CATSPERG: variants seen among roughly 807,000 people sequenced by gnomAD.
The protein encoded by CATSPERG is cation channel sperm-associated auxiliary subunit gamma.
In CATSPERG, 115 loss-of-function variants were observed where a neutral mutation model predicts 145.0. The observed-to-expected ratio is 0.79, with a 90% CI of 0.68 to 0.93. The LOEUF is 0.93. Among genes scored for constraint, CATSPERG ranks in the 40% least tolerant of loss-of-function variants. The pLI is 0.00. For synonymous variants in CATSPERG, 588 were observed against 589.0 expected (o/e 1.00, Z 0.02); for missense variants, 1,296 against 1,490.1 (o/e 0.87, Z 2.14).
intron 11 of CATSPERG, 99 bp downstream of exon 11, chr19:38,356,960 G>T: frequency 4.1e-6 from 6 of 1,463,914 alleles, no homozygotes; most frequent in Non-Finnish European, 5.6e-6. Flanking sequence ...CAGACAGAGG[G>T]AGGGCAACAT....
At chr19:38,339,421 C>A (rs1969899895) in intron 3 of CATSPERG, among the ~76,000 whole-genome samples, 1 of 152,114 alleles carries the variant, frequency 6.6e-6, no homozygotes, top group African/African-American at 2.4e-5. Flanking sequence ...GGTTTTAGAC[C>A]CTGGACCCCG....
At position 38,367,530 on chromosome 19, in the gene CATSPERG, T is replaced by C; in HGVS notation, c.2792T>C (p.Ile931Thr). The C allele has an allele frequency of 6.2e-7, 1 of 1,614,118 alleles. No individual in the cohort carries two copies. The highest frequency in any genetic ancestry group is 8.5e-7 in the Non-Finnish European group (1 of 1,180,016). The change falls in exon 24 of 29, where the codon ATT (isoleucine) becomes ACT (threonine). Residue 931 changes from isoleucine (I) to threonine (T), a missense_variant. Physicochemically the swap from Ile to Thr is moderately conservative, Grantham distance 89 (BLOSUM62 -1). Coordinates refer to ENST00000409235, the MANE Select transcript of CATSPERG (RefSeq NM_021185.5). ...ATAGTTTTCTACCCCTTCTTCTTGA[T>C]TCAAGATTTGGTGACAGGAGACTCC... ...FRDIFYPFFL[I>T]QDLVTGDSGS...
rs563322748 is a variant in CATSPERG at position 38,339,087 on chromosome 19, G to A, written c.324+1441G>A. Among the ~76,000 whole-genome samples, 48 of 152,258 alleles carry A rather than the reference G, an allele frequency of 3.2e-4. No homozygotes were observed. In the East Asian group the frequency reaches 4.0e-3, roughly 13 times the overall value. On this transcript the variant is annotated intron_variant, in intron 3 of 28. Coordinates refer to ENST00000409235, the MANE Select transcript of CATSPERG (RefSeq NM_021185.5). ...AAAGCCCCGAGCTCTGGGAGCCCAC[G>A]CTATTTATTGGTAATCCAACAAAGA...
In CATSPERG at chr19:38,344,368, G is replaced by A. The variant is rs989857019; in HGVS notation, c.669G>A (p.Glu223=). ...ACATCCAATTCACTGTGGGAGAGGA[G>A]GTGAGGGAATATGGCAGGGGAAAAA... The part of the protein sequence containing the change: ...DNNIQFTVGE[E]LFNLMPQYFV... The change falls in exon 6 of 29, where the codon GAG becomes GAA. Residue 223 remains glutamate (E), a splice_region_variant and synonymous_variant. Coordinates refer to ENST00000409235, the MANE Select transcript of CATSPERG (RefSeq NM_021185.5). The A allele has an allele frequency of 2.7e-5, 42 of 1,551,314 alleles. No homozygotes were observed. The highest frequency in any genetic ancestry group is 3.6e-5 in the Non-Finnish European group (41 of 1,146,704).
Position 38,370,932 on chromosome 19 carries a change from C to T in CATSPERG, c.*140C>T. On this transcript the variant is annotated 3_prime_UTR_variant, in exon 29 of 29. Coordinates refer to ENST00000409235, the MANE Select transcript of CATSPERG (RefSeq NM_021185.5). ...CTTCTCGTTCAGACTCAAATAAAGC[C>T]TTTTTTCAGGACCAGCAGTGGGCTC... The T allele has an allele frequency of 1.1e-6, 1 of 907,840 alleles. No homozygotes were observed. The highest frequency in any genetic ancestry group is 1.7e-6 in the Non-Finnish European group (1 of 603,582). 56.2% of individuals were successfully genotyped at this position (907,840 alleles called of 1,614,324 possible). A position where few individuals can be genotyped will look rare whatever the true frequency, so the allele number is the denominator to read the frequency against.
intron 8 of CATSPERG, 162 bp downstream of exon 8, chr19:38,352,594 CCTTTT>C: frequency 3.8e-6 from 2 of 525,630 alleles, no homozygotes; most frequent in Admixed American, 3.4e-5. Flanking sequence ...CTTGCCTTGC[CCTTTT>C]TTTTTTTTTT....
At chr19:38,362,002 CGG>C in intron 17 of CATSPERG, 141 bp downstream of exon 17, 1 of 186,578 alleles carries the variant, frequency 5.4e-6, no homozygotes. Context: ...GACCTGGGGG[CGG>C]GGCCTGGCTT....
intron 25 of CATSPERG, 52 bp from the exon 26 acceptor site, chr19:38,367,996 C>G: frequency 6.5e-7 from 1 of 1,541,850 alleles, no homozygotes; most frequent in Admixed American, 1.7e-5. Flanking sequence ...GAGGTCATAC[C>G]TCCCCTACAC....
At position 38,370,600 on chromosome 19, in the gene CATSPERG, G is replaced by C; in HGVS notation, c.3288G>C (p.Lys1096Asn). The part of the protein sequence containing the change: ...AFCLLWPLVV[K>N]GCTMIRWKIN... The stretch of plus-strand genomic sequence containing the variant: ...GCCTCCTGTGGCCCCTCGTGGTGAA[G>C]GGCTGCACGATGATCCGGTGGAAGA... Residue 1096 changes from lysine to asparagine, a missense_variant, in exon 29 of 29, where the codon AAG becomes AAC. Lys to Asn is a moderately conservative substitution (Grantham distance 94). Coordinates refer to ENST00000409235, the MANE Select transcript of CATSPERG (RefSeq NM_021185.5). 1 of 1,614,156 alleles carries C rather than the reference G, an allele frequency of 6.2e-7. No homozygotes were observed. The highest frequency in any genetic ancestry group is 1.3e-5 in the African/African-American group (1 of 75,032).
rs754844610 is a variant in CATSPERG, at chr19:38,336,189, A to G, written c.-15+314A>G. On this transcript the variant is annotated intron_variant, in intron 1 of 28. Coordinates refer to ENST00000409235, the MANE Select transcript of CATSPERG (RefSeq NM_021185.5). ...TGGGGCAAGAAGGTGTCGCGGTACG[A>G]GGGGAAGGTGAGACTCAAGAAGGTG... 7 of 456,000 alleles carry G rather than the reference A, an allele frequency of 1.5e-5. No individual in the cohort carries two copies. The East Asian group carries it at 4.2e-4, about 27-fold the overall frequency. The allele number at this position is 456,000 out of a possible 1,614,324, so 28.2% of individuals were successfully genotyped here. A position where few individuals can be genotyped will look rare whatever the true frequency, so the allele number is the denominator to read the frequency against.
At chr19:38,344,899 A>T (rs1455179969) in intron 6 of CATSPERG, among the ~76,000 whole-genome samples, 4,779 of 93,034 alleles carry the variant, frequency 0.051, 602 homozygotes, top group Non-Finnish European at 0.064. Context: ...ATATATATAT[A>T]TATTTTTTTT....
Position 38,370,548 on chromosome 19 carries a change from G to C in CATSPERG, c.3236G>C (p.Gly1079Ala). ...IIMVSASVFVGLVIFYIAFCL... is the reference protein window; with the variant it reads ...IIMVSASVFVALVIFYIAFCL... ...CAGGTGTCAGCTAGCGTGTTTGTGG[G>C]CCTGGTGATCTTCTACATCGCCTTC... is the stretch of plus-strand genomic sequence containing the variant. The change falls in exon 29 of 29, where the codon GGC (glycine) becomes GCC (alanine). Residue 1079 changes from glycine to alanine, a missense_variant. Physicochemically the swap from Gly to Ala is moderately conservative, Grantham distance 60 (BLOSUM62 0). Coordinates refer to ENST00000409235, the MANE Select transcript of CATSPERG (RefSeq NM_021185.5). 6.2e-7 allele frequency: 1 copy of C among 1,614,158 alleles called. No homozygotes were observed. Among genetic ancestry groups the C allele is most frequent in the Non-Finnish European group, 8.5e-7 (1 of 1,180,028 alleles).
intron 7 of CATSPERG, among the ~76,000 whole-genome samples, chr19:38,347,241 G>T (rs893067729): frequency 2.0e-5 from 3 of 152,114 alleles, no homozygotes; most frequent in African/African-American, 7.2e-5. Context: ...AACTGGGCGT[G>T]GTAGTGGGCG....
chr19:38,338,700 C>T (rs1969886301), intron 3 of CATSPERG, among the ~76,000 whole-genome samples: 1 of 152,048 alleles, frequency 6.6e-6, no homozygotes, highest in Admixed American at 6.6e-5. Context: ...GGATCACTTG[C>T]ATCCAGAAGC....
chr19:38,337,315 A>C lies in CATSPERG; in HGVS notation c.81A>C (p.Ala27=), dbSNP rs1969858737. The C allele has an allele frequency of 6.4e-7, 1 of 1,551,538 alleles. No homozygotes were observed. The highest frequency in any genetic ancestry group is 1.4e-5 in the African/African-American group (1 of 73,156). Residue 27 remains alanine (A), a synonymous_variant, in exon 2 of 29, where the codon GCA becomes GCC. Transcript: ENST00000409235. ...TGCAGGTGCTGTGGGCCCTGCTGGC[A>C]GTGCTCCTGGCGTCGTGGAGGCTGT... is the stretch of plus-strand genomic sequence containing the variant. ...RVVQVLWALL[A]VLLASWRLWA... is the part of the protein sequence containing the mutation.
chr19:38,368,647 G>C (rs1473941512), intron 26 of CATSPERG, among the ~76,000 whole-genome samples: 1 of 152,150 alleles, frequency 6.6e-6, no homozygotes, highest in Admixed American at 6.5e-5. Flanking sequence ...AGGTTCAAGC[G>C]ATTCTCCTGT....
intron 3 of CATSPERG, among the ~76,000 whole-genome samples, chr19:38,338,672 C>T (rs1324385732): frequency 1.3e-5 from 2 of 152,106 alleles, no homozygotes; most frequent in Admixed American, 6.6e-5. Context: ...AGTTGTGCGC[C>T]ACCACACCAG....
chr19:38,352,260 G>A lies in CATSPERG; in HGVS notation c.826-1G>A. ...CACCACTAGCCTCTGCTCCCCTGCAGCTGAGCATTGACAGTTGCTGGGTGG... is the reference window on the plus strand; with the variant it reads ...CACCACTAGCCTCTGCTCCCCTGCAACTGAGCATTGACAGTTGCTGGGTGG... On this transcript the variant is annotated splice_acceptor_variant, in intron 7 of 28. Transcript: ENST00000409235. LOFTEE classifies it high-confidence loss of function. 1 of 1,551,308 alleles carries A rather than the reference G, an allele frequency of 6.4e-7. No homozygotes were observed. Among genetic ancestry groups the A allele is most frequent in the Non-Finnish European group, 8.7e-7 (1 of 1,147,024 alleles).
chr19:38,367,433 T>G, intron 23 of CATSPERG, 76 bp from the exon 24 acceptor site: 1 of 1,564,670 alleles, frequency 6.4e-7, no homozygotes. Flanking sequence ...GCATCTCACT[T>G]TCCCCCGTCT....
Sources: allele counts gnomAD v4.1 joint callset (sites outside exome capture counted in the v4.1 genomes callset), GRCh38; gene constraint gnomAD v4.1.1; transcripts MANE v1.5; gene names NCBI Gene and HGNC (gene_info 2026-07-23, HGNC 2026-07-21).